Variants in SP100 observed in about 807,000 individuals in gnomAD.
SP100 encodes the protein SP100 nuclear body protein, also known as nuclear autoantigen Sp-100.
A neutral mutation model predicts 130.0 loss-of-function variants in SP100; 84 were observed. The observed-to-expected ratio is 0.65, with a 90% CI of 0.54 to 0.77. SP100 has a LOEUF of 0.77. Ranked by LOEUF, SP100 falls within the 30% of genes least tolerant of loss-of-function variation. The pLI is 0.00. For synonymous variants in SP100, 331 were observed against 351.7 expected, an observed-to-expected ratio of 0.94 and a Z score of 0.66; for missense variants, 978 against 1,052.2, an observed-to-expected ratio of 0.93 and a Z score of 0.97.
intron 17 of SP100, among the ~76,000 whole-genome samples, chr2:230,490,800 G>A (rs2066350611): frequency 6.6e-6 from 1 of 152,114 alleles, no homozygotes; most frequent in African/African-American, 2.4e-5. Flanking sequence ...TTTTAAGAAT[G>A]TTGAATATTG....
chr2:230,496,958 A>G (rs1403823739), intron 18 of SP100, among the ~76,000 whole-genome samples: 2 of 152,210 alleles, frequency 1.3e-5, no homozygotes, highest in African/African-American at 4.8e-5. Context: ...AAACTCCTGA[A>G]GGTGAAGATC....
chr2:230,466,199 A>AAAAAAC (rs1559503602), intron 11 of SP100, 102 bp from the exon 12 acceptor site: 1 of 587,712 alleles, frequency 1.7e-6, no homozygotes, highest in East Asian at 3.0e-5. Context: ...AAAAAAAAAA[A>AAAAAAC]AAAACTTTGT....
chr2:230,481,024 TTGGTGGTGG>T lies in SP100; in HGVS notation c.1600+6604_1600+6612del, dbSNP rs80161443. ...GGTGGTAGTGTGGATAGTGGTAGTA[TTGGTGGTGG>T]TGGTGGTGGTGGTGGTGGTGGTGGT... is the stretch of plus-strand genomic sequence containing the variant. On this transcript the variant is annotated intron_variant, in intron 17 of 28. Coordinates refer to ENST00000340126, the MANE Select transcript of SP100 (RefSeq NM_001080391.2). 4.4e-4 allele frequency among the ~76,000 whole-genome samples: 64 copies of T among 144,330 alleles called. No individual in the cohort carries two copies. In the South Asian group the frequency reaches 7.3e-3, roughly 16 times the overall value. 94.7% of individuals were successfully genotyped at this position (144,330 alleles called of 152,430 possible).
intron 24 of SP100, among the ~76,000 whole-genome samples, chr2:230,529,043 T>G (rs1193035867): frequency 6.6e-6 from 1 of 152,032 alleles, no homozygotes; most frequent in East Asian, 1.9e-4. Flanking sequence ...TTTCAATCAG[T>G]AGAAAAAGAG....
intron 15 of SP100, chr2:230,473,080 C>G: frequency 2.8e-6 from 1 of 358,832 alleles, no homozygotes; most frequent in Non-Finnish European, 5.2e-6. Flanking sequence ...CTTTGCTCCT[C>G]CAGTGTTCTT....
intron 8 of SP100, among the ~76,000 whole-genome samples, chr2:230,455,410 G>A (rs1278014251): frequency 6.6e-6 from 1 of 152,118 alleles, no homozygotes; most frequent in African/African-American, 2.4e-5. Context: ...GATTCAAACT[G>A]TATCTCATCT....
intron 2 of SP100, chr2:230,440,520 T>C (rs1302371194): frequency 3.8e-6 from 5 of 1,324,332 alleles, no homozygotes; most frequent in Non-Finnish European, 1.9e-6. Context: ...ACATGACTTC[T>C]AAAAACTATA....
intron 17 of SP100, among the ~76,000 whole-genome samples, chr2:230,486,202 C>T (rs13035313): frequency 0.24 from 37,081 of 151,938 alleles, 6,373 homozygotes; most frequent in African/African-American, 0.49. Context: ...GGGTGAGCTA[C>T]GGGGAAGTGC....
At chr2:230,536,637 G>T (rs1257929811) in intron 24 of SP100, among the ~76,000 whole-genome samples, 1 of 151,976 alleles carries the variant, frequency 6.6e-6, no homozygotes, top group Non-Finnish European at 1.5e-5. Flanking sequence ...CCTAATTCCT[G>T]CTTCCCTGAA....
chr2:230,453,273 G>T (rs2064108226), intron 8 of SP100, among the ~76,000 whole-genome samples: 1 of 152,194 alleles, frequency 6.6e-6, no homozygotes, highest in Admixed American at 6.5e-5. Flanking sequence ...CTGCCCCCAT[G>T]ACTCAATTAC....
At chr2:230,541,598 G>C (rs1157220960) in intron 27 of SP100, among the ~76,000 whole-genome samples, 1 of 152,208 alleles carries the variant, frequency 6.6e-6, no homozygotes, top group African/African-American at 2.4e-5. Flanking sequence ...CGGTTCTGGA[G>C]AGGGCTGTCT....
intron 4 of SP100, among the ~76,000 whole-genome samples, chr2:230,445,564 TGG>T (rs1559491712): frequency 6.6e-6 from 1 of 152,210 alleles, no homozygotes; most frequent in Non-Finnish European, 1.5e-5. Flanking sequence ...TAGTTGTATA[TGG>T]CTTATTGATT....
intron 2 of SP100, 66 bp from the exon 3 acceptor site, chr2:230,442,871 C>T (rs945331692): frequency 5.5e-5 from 77 of 1,407,468 alleles, no homozygotes; most frequent in Non-Finnish European, 4.1e-5. Flanking sequence ...TATGTAAACT[C>T]TTACAGCCTC....
At chr2:230,475,819 T>C (rs2065514189) in intron 17 of SP100, among the ~76,000 whole-genome samples, 1 of 152,210 alleles carries the variant, frequency 6.6e-6, no homozygotes, top group Admixed American at 6.5e-5. Context: ...CTTATTTTTG[T>C]TGATTTTGTT....
chr2:230,423,937 T>G (rs1396042751), intron 2 of SP100, among the ~76,000 whole-genome samples: 1 of 152,244 alleles, frequency 6.6e-6, no homozygotes, highest in Non-Finnish European at 1.5e-5. Context: ...GCCTAGTGCA[T>G]AATCAGTTTT....
chr2:230,529,430 A>G (rs528218643), intron 24 of SP100, among the ~76,000 whole-genome samples: 117 of 152,364 alleles, frequency 7.7e-4, no homozygotes, highest in African/African-American at 2.8e-3. Flanking sequence ...AATGTATCTC[A>G]AAATAATAAG....
intron 8 of SP100, among the ~76,000 whole-genome samples, chr2:230,457,596 G>T (rs963824484): frequency 6.6e-6 from 1 of 152,176 alleles, no homozygotes; most frequent in African/African-American, 2.4e-5. Flanking sequence ...CAAGCATATT[G>T]TATCTTGCTC....
chr2:230,474,579 C>T, intron 17 of SP100, 132 bp downstream of exon 17: 1 of 589,072 alleles, frequency 1.7e-6, no homozygotes, highest in Admixed American at 3.2e-5. Context: ...AGGTTTGTTA[C>T]ATGGGTAAAT....
At position 230,545,089 on chromosome 2, in the gene SP100, C is replaced by T. The variant is rs762563188; in HGVS notation, c.*2143C>T. Reference sequence around the variant, plus strand: ...CAGCAATCCCATTACTGGGTACATACCCAGAGGAATATAAATCATTCTACC... The same window carrying T: ...CAGCAATCCCATTACTGGGTACATATCCAGAGGAATATAAATCATTCTACC... On this transcript the variant is annotated 3_prime_UTR_variant, in exon 29 of 29. Transcript: ENST00000340126. Among the ~76,000 whole-genome samples the T allele has an allele frequency of 6.6e-6, 1 of 152,182 alleles. No homozygotes were observed. The highest frequency in any genetic ancestry group is 1.5e-5 in the Non-Finnish European group (1 of 68,040).
Sources: gnomAD v4.1 joint callset for allele counts (sites outside exome capture counted in the v4.1 genomes callset) on GRCh38, gnomAD v4.1.1 for gene constraint, MANE v1.5 for transcripts, NCBI Gene and HGNC (gene_info 2026-07-23, HGNC 2026-07-21) for gene names.